The following WIPI2 variants were observed in gnomAD, a reference collection of about 807,000 sequenced individuals.
WIPI2 encodes WD repeat domain phosphoinositide-interacting protein 2.
A neutral mutation model predicts 52.3 loss-of-function variants in WIPI2; 28 were observed. That is an observed-to-expected ratio of 0.54 (90% CI 0.40 to 0.73). The LOEUF (loss-of-function observed/expected upper bound fraction) is 0.73. Among genes scored for constraint, WIPI2 ranks in the 30% least tolerant of loss-of-function variants. The pLI is 0.00. For synonymous variants in WIPI2, 268 were observed against 245.0 expected, an observed-to-expected ratio of 1.09 and a Z score of -0.88; for missense variants, 506 against 602.9, an observed-to-expected ratio of 0.84 and a Z score of 1.68.
At chr7:5,215,265 C>G (rs1430974239) in intron 4 of WIPI2, among the ~76,000 whole-genome samples, 1 of 46,076 alleles carries the variant, frequency 2.2e-5, no homozygotes, top group East Asian at 2.2e-3. Flanking sequence ...GAGCCAAGGT[C>G]ATGTCATTGC....
At chr7:5,212,021 A>G (rs1396652621) in intron 3 of WIPI2, among the ~76,000 whole-genome samples, 1 of 152,204 alleles carries the variant, frequency 6.6e-6, no homozygotes, top group Non-Finnish European at 1.5e-5. Flanking sequence ...CTGAAACTGA[A>G]TGGCACAGAG....
chr7:5,226,009 A>G, intron 9 of WIPI2, 79 bp downstream of exon 9: 2 of 1,385,264 alleles, frequency 1.4e-6, no homozygotes, highest in African/African-American at 1.4e-5. Context: ...AGAGGTAAGC[A>G]CGGACCCGCC....
intron 4 of WIPI2, 43 bp from the exon 5 acceptor site, chr7:5,216,520 T>G: frequency 1.3e-6 from 2 of 1,543,376 alleles, no homozygotes; most frequent in Non-Finnish European, 1.8e-6. Context: ...GGTATTGCAC[T>G]GGCCGTTGCT....
chr7:5,219,527 G>T (rs1265945313), intron 7 of WIPI2, among the ~76,000 whole-genome samples: 2 of 152,172 alleles, frequency 1.3e-5, no homozygotes, highest in Admixed American at 1.3e-4. Context: ...TGGAGTGAGA[G>T]CAGCAAGGCC....
At chr7:5,229,008 G>A (rs1019464175) in intron 11 of WIPI2, among the ~76,000 whole-genome samples, 8 of 152,026 alleles carry the variant, frequency 5.3e-5, no homozygotes, top group South Asian at 4.1e-4. Context: ...GTGAGCCGCT[G>A]CACCTAGCTT....
rs147331381 is a variant in WIPI2, at chr7:5,227,552, G to A, written c.1013+208G>A. On this transcript the variant is annotated intron_variant, in intron 10 of 12. Transcript: ENST00000288828. This position sits in a 1 kb window ranked among gnomAD's most constrained non-coding sequence, Gnocchi z 8.1. ...GGGGTCCATTTCCAGACGGGCTCCC[G>A]TTCTGTTTTTGTGGATAGTCTGCGG... 3.2e-4 allele frequency among the ~76,000 whole-genome samples: 49 copies of A among 152,312 alleles called. No individual in the cohort carries two copies. In the East Asian group the frequency reaches 9.3e-3, roughly 29 times the overall value.
intron 3 of WIPI2, among the ~76,000 whole-genome samples, chr7:5,202,725 C>T (rs1197133588): frequency 1.3e-5 from 2 of 151,276 alleles, no homozygotes; most frequent in Admixed American, 6.6e-5. Context: ...CGTGAGCCAC[C>T]GCGCCCGGCC....
chr7:5,217,900 T>C (rs372896711), intron 6 of WIPI2, 22 bp from the exon 7 acceptor site: 211 of 1,613,712 alleles, frequency 1.3e-4, no homozygotes, highest in Non-Finnish European at 1.6e-4. Flanking sequence ...GTGGCCACTC[T>C]TTATTGGTGT....
In WIPI2 at chr7:5,227,891, C is replaced by T. The variant is rs1783517116; in HGVS notation, c.1014-213C>T. Among the ~76,000 whole-genome samples, 1 of 152,210 alleles carries T rather than the reference C, an allele frequency of 6.6e-6. No homozygotes were observed. The highest frequency in any genetic ancestry group is 1.5e-5 in the Non-Finnish European group (1 of 68,032). The stretch of plus-strand genomic sequence containing the variant: ...CCAGAAGCCACAAAACTGGTTTCAT[C>T]CCGCTCTCGTCTCCCGTGGGCTTCA... On this transcript the variant is annotated intron_variant, in intron 10 of 12. Transcript: ENST00000288828. This position sits in a 1 kb window ranked among gnomAD's most constrained non-coding sequence, Gnocchi z 8.1.
At chr7:5,206,756 C>T (rs528552121) in intron 3 of WIPI2, among the ~76,000 whole-genome samples, 2 of 152,182 alleles carry the variant, frequency 1.3e-5, no homozygotes, top group African/African-American at 4.8e-5. Flanking sequence ...ACACAGACAC[C>T]ATCTATCTTT....
chr7:5,205,845 T>G (rs913854105), intron 3 of WIPI2, among the ~76,000 whole-genome samples: 5 of 137,382 alleles, frequency 3.6e-5, no homozygotes, highest in Non-Finnish European at 7.7e-5. Flanking sequence ...ACTGAGTTCT[T>G]TTTTTTTTTT....
chr7:5,194,217 G>A (rs1490046049), intron 2 of WIPI2, among the ~76,000 whole-genome samples: 1 of 152,098 alleles, frequency 6.6e-6, no homozygotes, highest in African/African-American at 2.4e-5. Flanking sequence ...GTGAGGGGGA[G>A]CGGGGATGGG....
chr7:5,208,811 A>T (rs1009464684), intron 3 of WIPI2, among the ~76,000 whole-genome samples: 1 of 151,926 alleles, frequency 6.6e-6, no homozygotes, highest in Non-Finnish European at 1.5e-5. Flanking sequence ...ATAGCTTTGC[A>T]TTTTCTAGTT....
rs568344127 is a variant in WIPI2 at position 5,204,053 on chromosome 7, C to T, written c.211+4395C>T. On this transcript the variant is annotated intron_variant, in intron 3 of 12. Coordinates refer to ENST00000288828, the MANE Select transcript of WIPI2 (RefSeq NM_015610.4). ...TTTTGATTATTATGGCATCTTTCAC[C>T]TAGCAGCCTGATCCATTGTCCACCA... Among the ~76,000 whole-genome samples the T allele has an allele frequency of 5.6e-3, 847 of 152,340 alleles. 7 individuals carry two copies. The highest frequency in any genetic ancestry group is 0.02 in the African/African-American group (824 of 41,574).
In WIPI2 at chr7:5,216,574, A is replaced by G. The variant is rs1583574278; in HGVS notation, c.393A>G (p.Val131=). 1 of 1,614,200 alleles carries G rather than the reference A, an allele frequency of 6.2e-7. No individual in the cohort carries two copies. The highest frequency in any genetic ancestry group is 1.3e-5 in the African/African-American group (1 of 75,058). ...TGTCTCTCGCCTAGAGGCTGATAGT[A>G]TGCCTGGAGGAGTCCCTGTACATCC... ...AVKLNRQRLI[V]CLEESLYIHN... is the part of the protein sequence containing the mutation. Residue 131 remains valine (V), a synonymous_variant, in exon 5 of 13, where the codon GTA becomes GTG. Coordinates refer to ENST00000288828, the MANE Select transcript of WIPI2 (RefSeq NM_015610.4).
intron 2 of WIPI2, among the ~76,000 whole-genome samples, chr7:5,194,998 A>G (rs533269370): frequency 1.4e-4 from 22 of 152,080 alleles, no homozygotes; most frequent in Non-Finnish European, 2.9e-4. Flanking sequence ...GGATGTGTTC[A>G]AGTGCGTTTA....
intron 12 of WIPI2, 95 bp downstream of exon 12, chr7:5,229,833 C>A: frequency 6.5e-7 from 1 of 1,531,152 alleles, no homozygotes; most frequent in Non-Finnish European, 8.8e-7. Context: ...ACCAGCTCCT[C>A]ACTGGGAAAG....
chr7:5,218,988 T>A (rs2115287686), intron 7 of WIPI2: 1 of 152,314 alleles, frequency 6.6e-6, no homozygotes, highest in East Asian at 1.9e-4. Flanking sequence ...CCCCTCAAAC[T>A]ATTGACCAGA....
At position 5,231,029 on chromosome 7, in the gene WIPI2, A is replaced by G; in HGVS notation, c.*82A>G. ...TTGTGCATTGCTGCTATGAACTTTG[A>G]CCTGAGTCGGGGGAGAGGATGGCAG... On this transcript the variant is annotated 3_prime_UTR_variant, in exon 13 of 13. Transcript: ENST00000288828. 1 of 1,233,056 alleles carries G rather than the reference A, an allele frequency of 8.1e-7. No homozygotes were observed. 76.4% of individuals were successfully genotyped at this position (1,233,056 alleles called of 1,614,324 possible).
Sources: allele counts gnomAD v4.1 joint callset (sites outside exome capture counted in the v4.1 genomes callset), GRCh38; gene constraint gnomAD v4.1.1; non-coding constraint Gnocchi (gnomAD v3.1); transcripts MANE v1.5; gene names NCBI Gene and HGNC (gene_info 2026-07-23, HGNC 2026-07-21).